DNAH14: variants seen among roughly 807,000 people sequenced by gnomAD.
DNAH14 encodes the protein dynein axonemal heavy chain 14.
Under a neutral mutation model 520.9 loss-of-function variants are expected in DNAH14, and 478 were observed. That is an observed-to-expected ratio of 0.92 (90% CI 0.85 to 0.99). The LOEUF (loss-of-function observed/expected upper bound fraction) is 0.99, where lower values mean the gene tolerates loss of function less well. DNAH14 is among the 50% of genes least tolerant of loss of function. DNAH14 has a pLI of 0.00. For synonymous variants in DNAH14, 1,581 were observed against 1,757.2 expected (o/e 0.90, Z 2.51); for missense variants, 4,831 against 5,234.5 (o/e 0.92, Z 2.38).
At chr1:225,164,332 A>G (rs1351905992) in intron 35 of DNAH14, among the ~76,000 whole-genome samples, 1 of 151,966 alleles carries the variant, frequency 6.6e-6, no homozygotes, top group Non-Finnish European at 1.5e-5. Flanking sequence ...CAATTTTTTG[A>G]TGCTAGGTTT....
chr1:225,363,672 A>C lies in DNAH14; in HGVS notation c.11988-1120A>C, dbSNP rs527698488. 5.9e-5 allele frequency among the ~76,000 whole-genome samples: 9 copies of C among 152,354 alleles called. No homozygotes were observed. The South Asian group carries it at 1.4e-3, about 25-fold the overall frequency. ...TCCAGGACCCCCTGTGGATACTGGA[A>C]TTCTTGGATATTCGATTCCCTTATA... On this transcript the variant is annotated intron_variant, in intron 75 of 85. Coordinates refer to ENST00000682510, the MANE Select transcript of DNAH14 (RefSeq NM_001367479.1).
At chr1:225,147,049 A>G (rs1573495560) in intron 30 of DNAH14, 55 bp from the exon 31 acceptor site, 1 of 1,362,858 alleles carries the variant, frequency 7.3e-7, no homozygotes, top group East Asian at 2.5e-5. Flanking sequence ...TATCCCAGTA[A>G]ATTTTCTCAC....
chr1:225,380,190 G>A lies in DNAH14; in HGVS notation c.12748G>A (p.Glu4250Lys). 1 of 1,551,540 alleles carries A rather than the reference G, an allele frequency of 6.4e-7. No individual in the cohort carries two copies. The highest frequency in any genetic ancestry group is 8.7e-7 in the Non-Finnish European group (1 of 1,146,960). Residue 4250 changes from glutamate to lysine, a missense_variant, in exon 80 of 86, where the codon GAA becomes AAA. Glu to Lys is a moderately conservative substitution (Grantham distance 56). Coordinates refer to ENST00000682510, the MANE Select transcript of DNAH14 (RefSeq NM_001367479.1). ...PEQSKDELVM[E>K]ILSDLLKRLP... ...GCAGAGTAAGGATGAACTGGTGATG[G>A]AAATTCTATCCGACTTGCTAAAGCG...
chr1:225,234,191 C>A (rs1265795519), intron 42 of DNAH14, among the ~76,000 whole-genome samples: 1 of 152,044 alleles, frequency 6.6e-6, no homozygotes, highest in Non-Finnish European at 1.5e-5. Context: ...GTTACTGTAG[C>A]CTTGTAGTAT....
chr1:224,983,223 C>A (rs1002026300), intron 8 of DNAH14, among the ~76,000 whole-genome samples: 9 of 152,202 alleles, frequency 5.9e-5, no homozygotes, highest in Non-Finnish European at 1.3e-4. Context: ...TCTCTTTTAA[C>A]CGCTGTTGCT....
chr1:225,193,001 CATCT>C, intron 38 of DNAH14, 90 bp downstream of exon 38: 1 of 951,384 alleles, frequency 1.1e-6, no homozygotes, highest in Non-Finnish European at 1.5e-6. Context: ...CATCATTAGA[CATCT>C]ATTAGTGTAA....
chr1:225,351,110 A>G (rs2406112), intron 71 of DNAH14, among the ~76,000 whole-genome samples: 55,772 of 152,088 alleles, frequency 0.37, 11,070 homozygotes, highest in East Asian at 0.61. Flanking sequence ...ACACTTAAGA[A>G]TGGTTAAGAT....
chr1:225,235,059 T>A (rs1362405494), intron 42 of DNAH14, among the ~76,000 whole-genome samples: 2 of 152,212 alleles, frequency 1.3e-5, no homozygotes, highest in Non-Finnish European at 2.9e-5. Flanking sequence ...CTAATTGCCC[T>A]GGCCTGAACT....
chr1:225,096,733 G>A (rs1044168968), intron 21 of DNAH14, among the ~76,000 whole-genome samples: 1 of 152,124 alleles, frequency 6.6e-6, no homozygotes, highest in African/African-American at 2.4e-5. Context: ...GCATCTATAT[G>A]TGAAATTATG....
At chr1:225,162,862 C>T (rs541939186) in intron 35 of DNAH14, among the ~76,000 whole-genome samples, 2 of 151,930 alleles carry the variant, frequency 1.3e-5, no homozygotes, top group Admixed American at 1.3e-4. Flanking sequence ...ATTGGCCAGG[C>T]GTGGTGGCTC....
chr1:225,004,451 A>G (rs1268857344), intron 9 of DNAH14, among the ~76,000 whole-genome samples: 2 of 152,204 alleles, frequency 1.3e-5, no homozygotes, highest in African/African-American at 2.4e-5. Context: ...TTGAATAGCC[A>G]TAGAAGAGGA....
At chr1:225,227,428 A>T (rs1162515711) in intron 41 of DNAH14, among the ~76,000 whole-genome samples, 1 of 152,226 alleles carries the variant, frequency 6.6e-6, no homozygotes, top group Non-Finnish European at 1.5e-5. Context: ...TTGAGTCAAT[A>T]CAACACATGT....
At chr1:224,964,693 T>G in intron 5 of DNAH14, 84 bp downstream of exon 5, 2 of 1,208,642 alleles carry the variant, frequency 1.7e-6, no homozygotes, top group East Asian at 5.4e-5. Flanking sequence ...TCAGATATTA[T>G]GTCAAAGTCA....
chr1:225,226,074 A>G (rs1311537247), intron 41 of DNAH14, among the ~76,000 whole-genome samples: 1 of 152,182 alleles, frequency 6.6e-6, no homozygotes, highest in Non-Finnish European at 1.5e-5. Flanking sequence ...TGCAACTCTC[A>G]TAGGGTAATA....
At chr1:225,131,412 G>T (rs189586427) in intron 27 of DNAH14, among the ~76,000 whole-genome samples, 7 of 152,108 alleles carry the variant, frequency 4.6e-5, no homozygotes, top group African/African-American at 1.7e-4. Flanking sequence ...GCATTCCTTG[G>T]CTCACAGCCC....
intron 57 of DNAH14, 47 bp from the exon 58 acceptor site, chr1:225,304,861 A>G (rs2094208922): frequency 2.8e-6 from 4 of 1,414,280 alleles, no homozygotes; most frequent in Non-Finnish European, 3.8e-6. Context: ...CTTTTTATGT[A>G]TATTTGGATT....
chr1:225,222,854 A>G (rs773065603), intron 41 of DNAH14, among the ~76,000 whole-genome samples: 2 of 152,186 alleles, frequency 1.3e-5, no homozygotes, highest in East Asian at 1.9e-4. Context: ...AAGAGGGTAC[A>G]CTAGACATAG....
chr1:225,345,113 A>G (rs1209316846), intron 69 of DNAH14, among the ~76,000 whole-genome samples: 1 of 152,180 alleles, frequency 6.6e-6, no homozygotes, highest in Admixed American at 6.5e-5. Flanking sequence ...GAGATGGTCC[A>G]TGACTTAGGT....
At chr1:225,094,601 A>G (rs1258333069) in intron 21 of DNAH14, among the ~76,000 whole-genome samples, 1 of 149,588 alleles carries the variant, frequency 6.7e-6, no homozygotes, top group African/African-American at 2.4e-5. Context: ...AGCAATTGTA[A>G]TGTAAACAAA....
Sources: gnomAD v4.1 joint callset for allele counts (sites outside exome capture counted in the v4.1 genomes callset) on GRCh38, gnomAD v4.1.1 for gene constraint, MANE v1.5 for transcripts, NCBI Gene and HGNC (gene_info 2026-07-23, HGNC 2026-07-21) for gene names.